Variants in CEP55 observed in about 807,000 individuals in gnomAD.
CEP55 encodes the protein centrosomal protein 55.
Under a neutral mutation model 63.2 loss-of-function variants are expected in CEP55, and 57 were observed. The ratio of observed to expected loss-of-function variants is 0.90; its 90% CI spans 0.73 to 1.13. CEP55 has a LOEUF of 1.13. CEP55 is among the 50% of genes most tolerant of loss of function. The pLI is 0.00. For missense variants in CEP55, 456 were observed against 518.9 expected (o/e 0.88, Z 1.18); for synonymous variants, 178 against 191.6 (o/e 0.93, Z 0.59).
intron 5 of CEP55, 150 bp downstream of exon 5, chr10:93,515,705 A>C: frequency 2.7e-6 from 2 of 733,440 alleles, no homozygotes; most frequent in South Asian, 6.6e-5. Flanking sequence ...CCATTTTTGC[A>C]AGTTTTATTT....
At chr10:93,504,895 A>G (rs1342598475) in intron 3 of CEP55, among the ~76,000 whole-genome samples, 4 of 152,148 alleles carry the variant, frequency 2.6e-5, no homozygotes, top group African/African-American at 7.2e-5. Flanking sequence ...GCTCACTGCA[A>G]CCTCCACCTG....
rs1220738706 is a variant in CEP55 at position 93,528,816 on chromosome 10, G to A, written c.*663G>A. ...TCTCTTATGTTATCTGGCAGTAACT[G>A]TAACTTGAATTACATTAGCACATTC... is the stretch of plus-strand genomic sequence containing the variant. On this transcript the variant is annotated 3_prime_UTR_variant, in exon 9 of 9. Transcript: ENST00000371485. 1.3e-5 allele frequency: 2 copies of A among 152,194 alleles called. No individual in the cohort carries two copies. The highest frequency in any genetic ancestry group is 2.9e-5 in the Non-Finnish European group (2 of 68,064). 9.4% of individuals were successfully genotyped at this position (152,194 alleles called of 1,614,324 possible).
intron 1 of CEP55, among the ~76,000 whole-genome samples, chr10:93,497,627 C>A (rs943213396): frequency 1.5e-5 from 2 of 132,242 alleles, no homozygotes; most frequent in African/African-American, 2.8e-5. Context: ...ACAACAACAA[C>A]AAAAATCAAA....
At chr10:93,501,023 A>G (rs1385166083) in intron 2 of CEP55, among the ~76,000 whole-genome samples, 1 of 152,194 alleles carries the variant, frequency 6.6e-6, no homozygotes, top group African/African-American at 2.4e-5. Context: ...AGGAGAAAAT[A>G]TTTACCCAAT....
chr10:93,521,654 G>A (rs980855302), intron 8 of CEP55, among the ~76,000 whole-genome samples: 2 of 152,176 alleles, frequency 1.3e-5, no homozygotes, highest in Non-Finnish European at 2.9e-5. Flanking sequence ...CTCTACAAGT[G>A]GGTCCCTGAC....
At chr10:93,502,977 A>G in intron 2 of CEP55, 136 bp from the exon 3 acceptor site, 1 of 800,234 alleles carries the variant, frequency 1.2e-6, no homozygotes, top group Non-Finnish European at 1.9e-6. Flanking sequence ...TTGGCTTCCT[A>G]ATCTTTTTTG....
intron 2 of CEP55, among the ~76,000 whole-genome samples, chr10:93,500,931 T>C (rs141638481): frequency 0.012 from 1,787 of 152,192 alleles, 15 homozygotes; most frequent in Non-Finnish European, 0.018. Context: ...GGCCATTCCA[T>C]GCTTTTTTGG....
chr10:93,519,478 G>T (rs971404658), intron 7 of CEP55, among the ~76,000 whole-genome samples: 1 of 152,184 alleles, frequency 6.6e-6, no homozygotes, highest in Non-Finnish European at 1.5e-5. Flanking sequence ...CTATACCTCA[G>T]CGTTGGCTTT....
rs1341395659 is a variant in CEP55, at chr10:93,519,769, C to T, written c.1153C>T (p.Arg385Ter). ...HQLHVILKELRKARNQITQLE... is the reference protein window; with the variant it reads ...HQLHVILKEL ...ATTGCATGTAATTCTTAAGGAGCTC[C>T]GAAAAGCAAGAAATCAAATAACACA... is the stretch of plus-strand genomic sequence containing the variant. Residue 385 changes from arginine to a stop codon, truncating the protein, a stop_gained, in exon 8 of 9, where the codon CGA becomes TGA. Transcript: ENST00000371485. LOFTEE classifies it high-confidence loss of function. 8.1e-6 allele frequency: 13 copies of T among 1,613,892 alleles called. No individual in the cohort carries two copies. The highest frequency in any genetic ancestry group is 1.7e-5 in the Admixed American group (1 of 59,992).
intron 1 of CEP55, among the ~76,000 whole-genome samples, chr10:93,498,698 C>T (rs916229897): frequency 2.0e-5 from 3 of 152,118 alleles, no homozygotes; most frequent in African/African-American, 7.2e-5. Context: ...TATCCCTGTA[C>T]TTCTCTTGTG....
At chr10:93,511,590 CT>C (rs201307985) in intron 4 of CEP55, among the ~76,000 whole-genome samples, 1 of 150,982 alleles carries the variant, frequency 6.6e-6, no homozygotes, top group African/African-American at 2.4e-5. Flanking sequence ...TGTATGGTTC[CT>C]TTTTTTTTAA....
At position 93,518,868 on chromosome 10, in the gene CEP55, G is replaced by A; in HGVS notation, c.994-9G>A. Reference sequence around the variant, plus strand: ...ATGTGACAGCATTGGTTCTCTTTATGTCCTACAGGTCCAGTTTCTTTACAC... The same window carrying A: ...ATGTGACAGCATTGGTTCTCTTTATATCCTACAGGTCCAGTTTCTTTACAC... On this transcript the variant is annotated splice_polypyrimidine_tract_variant and intron_variant, in intron 6 of 8. Coordinates refer to ENST00000371485, the MANE Select transcript of CEP55 (RefSeq NM_018131.5). 1.3e-6 allele frequency: 2 copies of A among 1,593,428 alleles called. No individual in the cohort carries two copies. Among genetic ancestry groups the A allele is most frequent in the Non-Finnish European group, 1.7e-6 (2 of 1,165,486 alleles).
At chr10:93,514,180 G>A (rs1004142736) in intron 4 of CEP55, among the ~76,000 whole-genome samples, 4 of 151,936 alleles carry the variant, frequency 2.6e-5, no homozygotes, top group Non-Finnish European at 4.4e-5. Context: ...TAATCCGCCC[G>A]CCTCGGCCTC....
intron 4 of CEP55, among the ~76,000 whole-genome samples, chr10:93,509,468 C>CATTATT (rs10606106): frequency 6.1e-4 from 90 of 147,234 alleles, no homozygotes; most frequent in African/African-American, 1.8e-3. Context: ...GAACCATTAA[C>CATTATT]ATTATTATTA....
At chr10:93,509,450 C>T (rs61865306) in intron 4 of CEP55, among the ~76,000 whole-genome samples, 9,737 of 146,770 alleles carry the variant, frequency 0.066, 351 homozygotes, top group Non-Finnish European at 0.076. Context: ...CCTTGGACCA[C>T]GCTTTGAGAA....
At chr10:93,523,694 A>G (rs1466569934) in intron 8 of CEP55, among the ~76,000 whole-genome samples, 1 of 152,112 alleles carries the variant, frequency 6.6e-6, no homozygotes, top group African/African-American at 2.4e-5. Flanking sequence ...TGGAAGTAAA[A>G]CACTCCTCAG....
intron 5 of CEP55, among the ~76,000 whole-genome samples, chr10:93,515,786 C>T (rs138297889): frequency 1.3e-5 from 2 of 152,324 alleles, no homozygotes; most frequent in East Asian, 3.9e-4. Context: ...TCTGAAATCA[C>T]ATTCAGTTCT....
chr10:93,519,776 C>G lies in CEP55; in HGVS notation c.1160C>G (p.Ala387Gly), dbSNP rs2134490832. The G allele has an allele frequency of 6.2e-7, 1 of 1,614,088 alleles. No individual in the cohort carries two copies. The highest frequency in any genetic ancestry group is 8.5e-7 in the Non-Finnish European group (1 of 1,179,990). The part of the protein sequence containing the change: ...LHVILKELRK[A>G]RNQITQLESL... Reference sequence around the variant, plus strand: ...GTAATTCTTAAGGAGCTCCGAAAAGCAAGAAATCAAATAACACAGTTGGAA... The same window carrying G: ...GTAATTCTTAAGGAGCTCCGAAAAGGAAGAAATCAAATAACACAGTTGGAA... Residue 387 changes from alanine (A) to glycine (G), a missense_variant, in exon 8 of 9, where the codon GCA (alanine) becomes GGA (glycine). Physicochemically the swap from Ala to Gly is moderately conservative, Grantham distance 60. Coordinates refer to ENST00000371485, the MANE Select transcript of CEP55 (RefSeq NM_018131.5).
chr10:93,526,335 T>G (rs2057921531), intron 8 of CEP55, among the ~76,000 whole-genome samples: 1 of 151,960 alleles, frequency 6.6e-6, no homozygotes, highest in Admixed American at 6.6e-5. Flanking sequence ...ATGAAAAAAA[T>G]GCTCATCATC....
Sources: allele counts gnomAD v4.1 joint callset (sites outside exome capture counted in the v4.1 genomes callset), GRCh38; gene constraint gnomAD v4.1.1; transcripts MANE v1.5; gene names NCBI Gene and HGNC (gene_info 2026-07-23, HGNC 2026-07-21).